Variants in ZBED4 observed in about 807,000 individuals in gnomAD.
ZBED4 encodes the protein zinc finger BED-type containing 4.
ZBED4 carries 4 observed loss-of-function variants against 15.5 expected under a neutral mutation model. The ratio of observed to expected loss-of-function variants is 0.26; its 90% CI spans 0.13 to 0.59. ZBED4 has a LOEUF of 0.59. ZBED4 is among the 20% of genes least tolerant of loss of function. ZBED4 has a pLI of 0.90. For missense variants in ZBED4, 1,323 were observed against 1,461.8 expected (o/e 0.91, Z 1.55); for synonymous variants, 692 against 608.5 (o/e 1.14, Z -2.02).
chr22:49,865,419 C>A (rs78147984), intron 1 of ZBED4, among the ~76,000 whole-genome samples: 1 of 151,732 alleles, frequency 6.6e-6, no homozygotes, highest in Non-Finnish European at 1.5e-5. Flanking sequence ...GGGGCTAAGG[C>A]GGGCGGAACT....
chr22:49,887,313 C>T lies in ZBED4; in HGVS notation c.*135C>T. On this transcript the variant is annotated 3_prime_UTR_variant, in exon 2 of 2. Transcript: ENST00000216268. The stretch of plus-strand genomic sequence containing the variant: ...ACTCTCAGGGCCGCTCTCCAGCTCA[C>T]CACAGTGTCTCCACGTGCCTTACCC... The T allele has an allele frequency of 1.1e-6, 1 of 941,588 alleles. No individual in the cohort carries two copies. The highest frequency in any genetic ancestry group is 1.6e-6 in the Non-Finnish European group (1 of 634,078). The allele number at this position is 941,588 out of a possible 1,614,324, so 58.3% of individuals were successfully genotyped here.
intron 1 of ZBED4, among the ~76,000 whole-genome samples, chr22:49,868,862 A>G (rs2060332929): frequency 1.3e-5 from 2 of 151,932 alleles, no homozygotes; most frequent in African/African-American, 4.8e-5. Flanking sequence ...CTGTAATCCC[A>G]GCACTTTGGG....
rs145947648 is a variant in ZBED4 at position 49,886,496 on chromosome 22, G to A, written c.2834G>A (p.Arg945Gln). Residue 945 changes from arginine to glutamine, a missense_variant, in exon 2 of 2, where the codon CGG (arginine) becomes CAG (glutamine). Arg to Gln is a conservative substitution (Grantham distance 43, BLOSUM62 1). Around this residue, in one of 6 missense-constraint regions of ZBED4, gnomAD observed 312 missense variants for 410.7 expected, o/e 0.76. Coordinates refer to ENST00000216268, the MANE Select transcript of ZBED4 (RefSeq NM_014838.3). This position sits in a 1 kb window ranked among gnomAD's most constrained non-coding sequence, Gnocchi z 7.7. ...RALKPFEAAS[R>Q]EMSTQMSTLS... The stretch of plus-strand genomic sequence containing the variant: ...CTAAAGCCCTTCGAGGCTGCGAGCC[G>A]GGAGATGAGCACGCAGATGTCCACC... 24 of 1,566,104 alleles carry A rather than the reference G, an allele frequency of 1.5e-5. No homozygotes were observed. The highest frequency in any genetic ancestry group is 6.7e-5 in the East Asian group (3 of 44,492).
chr22:49,862,353 CCG>C (rs2060301022), intron 1 of ZBED4, among the ~76,000 whole-genome samples: 1 of 152,250 alleles, frequency 6.6e-6, no homozygotes, highest in African/African-American at 2.4e-5. Flanking sequence ...AAGTCTCTCA[CCG>C]TGGCCTGCAA....
intron 1 of ZBED4, among the ~76,000 whole-genome samples, chr22:49,880,190 G>T (rs1319236927): frequency 6.6e-6 from 1 of 152,088 alleles, no homozygotes; most frequent in Non-Finnish European, 1.5e-5. Context: ...CCGTTGTTGT[G>T]AAGCCCACTG....
chr22:49,854,513 G>A (rs1866930091), intron 1 of ZBED4, among the ~76,000 whole-genome samples: 1 of 152,220 alleles, frequency 6.6e-6, no homozygotes, highest in South Asian at 2.1e-4. Context: ...GGGGATGACC[G>A]TTCACATTTA....
At chr22:49,872,766 G>A (rs571655271) in intron 1 of ZBED4, among the ~76,000 whole-genome samples, 3 of 151,254 alleles carry the variant, frequency 2.0e-5, no homozygotes, top group South Asian at 2.1e-4. Flanking sequence ...GTGCAGTGAC[G>A]TGATCGCGGC....
At chr22:49,859,368 C>G (rs567974319) in intron 1 of ZBED4, among the ~76,000 whole-genome samples, 4 of 151,990 alleles carry the variant, frequency 2.6e-5, no homozygotes, top group Admixed American at 6.6e-5. Flanking sequence ...TCTAGTAAAG[C>G]CTTTTGTTTT....
intron 1 of ZBED4, among the ~76,000 whole-genome samples, chr22:49,881,206 G>A (rs1021482710): frequency 6.6e-6 from 1 of 152,072 alleles, no homozygotes; most frequent in African/African-American, 2.4e-5. Flanking sequence ...GGAATTAGCC[G>A]GGTGTCATGG....
intron 1 of ZBED4, among the ~76,000 whole-genome samples, chr22:49,854,305 T>C (rs914248685): frequency 2.6e-4 from 39 of 150,168 alleles, no homozygotes; most frequent in East Asian, 1.4e-3. Flanking sequence ...GGGCTCGGGC[T>C]CGGGGCGCCG....
intron 1 of ZBED4, 140 bp downstream of exon 1, chr22:49,854,129 C>G (rs924283111): frequency 6.9e-6 from 1 of 144,992 alleles, no homozygotes; most frequent in Admixed American, 6.8e-5. Context: ...GGGCGCGGTT[C>G]CGTGGCCTCG....
At chr22:49,853,791 G>A (rs1425841812), upstream of ZBED4, 5 of 146,666 alleles carry the variant, frequency 3.4e-5, no homozygotes, top group African/African-American at 1.2e-4. Flanking sequence ...GCCCCCGATC[G>A]GCCCCGCCCC....
chr22:49,880,456 C>G (rs1569163113), intron 1 of ZBED4, among the ~76,000 whole-genome samples: 1 of 152,230 alleles, frequency 6.6e-6, no homozygotes, highest in Admixed American at 6.5e-5. Context: ...CTCCCCGCCC[C>G]GCAGCCTGGA....
intron 1 of ZBED4, among the ~76,000 whole-genome samples, chr22:49,858,083 G>A (rs1451248289): frequency 6.6e-6 from 1 of 152,056 alleles, no homozygotes; most frequent in Non-Finnish European, 1.5e-5. Context: ...TGTATTTTTA[G>A]TAGAGATGGG....
Position 49,883,835 on chromosome 22 carries a change from G to A in ZBED4, c.173G>A (p.Arg58Gln), listed in dbSNP as rs776824500. The part of the protein sequence containing the change: ...DMKQTDSGGE[R>Q]AGLGGTGCSC... ...AAGCAGACAGACAGCGGTGGGGAGCGAGCGGGCCTCGGTGGGACGGGTTGC... is the reference window on the plus strand; with the variant it reads ...AAGCAGACAGACAGCGGTGGGGAGCAAGCGGGCCTCGGTGGGACGGGTTGC... Residue 58 changes from arginine (R) to glutamine (Q), a missense_variant, in exon 2 of 2, where the codon CGA becomes CAA. Arg to Gln is a conservative substitution (Grantham distance 43). This residue lies in a region of ZBED4 where 380 missense variants were observed against 413.7 expected (regional missense o/e 0.92). Coordinates refer to ENST00000216268, the MANE Select transcript of ZBED4 (RefSeq NM_014838.3). The A allele has an allele frequency of 6.8e-6, 11 of 1,611,212 alleles. No homozygotes were observed. Among genetic ancestry groups the A allele is most frequent in the African/African-American group, 1.3e-5 (1 of 74,860 alleles).
Position 49,884,804 on chromosome 22 carries a change from G to C in ZBED4, c.1142G>C (p.Arg381Thr). Residue 381 changes from arginine to threonine, a missense_variant, in exon 2 of 2, where the codon AGA (arginine) becomes ACA (threonine). Transcript: ENST00000216268. ...TCCTCGTCTCCAGTAAAGCCGGTCAGAGAGTCCCCTTCGGCCTCCTCCTCC... is the reference window on the plus strand; with the variant it reads ...TCCTCGTCTCCAGTAAAGCCGGTCACAGAGTCCCCTTCGGCCTCCTCCTCC... ...SVSSSPVKPV[R>T]ESPSASSSPD... 6.2e-7 allele frequency: 1 copy of C among 1,610,108 alleles called. No individual in the cohort carries two copies.
chr22:49,863,272 AC>A (rs2060305690), intron 1 of ZBED4, among the ~76,000 whole-genome samples: 1 of 151,542 alleles, frequency 6.6e-6, no homozygotes, highest in South Asian at 2.1e-4. Context: ...TGATTTTCCC[AC>A]CTCAGCCTCC....
intron 1 of ZBED4, among the ~76,000 whole-genome samples, chr22:49,854,552 A>T (rs2060266784): frequency 6.6e-6 from 1 of 152,248 alleles, no homozygotes; most frequent in African/African-American, 2.4e-5. Flanking sequence ...TGCCTTGCGA[A>T]CCATAATTTC....
At position 49,883,581 on chromosome 22, in the gene ZBED4, A is replaced by T; in HGVS notation, c.-82A>T. 2.1e-6 allele frequency: 3 copies of T among 1,433,548 alleles called. No homozygotes were observed. Among genetic ancestry groups the T allele is most frequent in the Non-Finnish European group, 2.8e-6 (3 of 1,089,482 alleles). 88.8% of individuals were successfully genotyped at this position (1,433,548 alleles called of 1,614,324 possible). A position where few individuals can be genotyped will look rare whatever the true frequency, so the allele number is the denominator to read the frequency against. On this transcript the variant is annotated 5_prime_UTR_variant, in exon 2 of 2. Coordinates refer to ENST00000216268, the MANE Select transcript of ZBED4 (RefSeq NM_014838.3). ...GGAATTATGACGAAAAAGTGAAGAT[A>T]ATCTACATTCGGGGGCACAAATGAG...
Sources: gnomAD v4.1 joint callset for allele counts (sites outside exome capture counted in the v4.1 genomes callset) on GRCh38, gnomAD v4.1.1 for gene constraint, gnomAD v4.1.1 regional missense constraint, Gnocchi (gnomAD v3.1) non-coding constraint, MANE v1.5 for transcripts, NCBI Gene and HGNC (gene_info 2026-07-23, HGNC 2026-07-21) for gene names.